The following ITGBL1 variants were observed in gnomAD, a reference collection of about 807,000 sequenced individuals.
ITGBL1 encodes integrin beta-like protein 1.
ITGBL1 carries 51 observed loss-of-function variants against 68.5 expected under a neutral mutation model. The observed-to-expected ratio is 0.74, with a 90% CI of 0.59 to 0.94. The LOEUF (loss-of-function observed/expected upper bound fraction) is 0.94. ITGBL1 is among the 40% of genes least tolerant of loss of function. The probability of loss-of-function intolerance (pLI) is 0.00; values close to 1 mark genes in which losing one functional copy is unlikely to be tolerated. For synonymous variants in ITGBL1, 209 were observed against 227.3 expected (o/e 0.92, Z 0.72); for missense variants, 649 against 647.4 (o/e 1.00, Z -0.03).
At chr13:101,713,270 C>T (rs1269906447) in intron 9 of ITGBL1, 1 of 152,180 alleles carries the variant, frequency 6.6e-6, no homozygotes, top group Non-Finnish European at 1.5e-5. Flanking sequence ...TTTTCCTGAT[C>T]ACTTTAATCA....
chr13:101,472,461 T>C (rs1207140801), intron 2 of ITGBL1, among the ~76,000 whole-genome samples: 1 of 152,248 alleles, frequency 6.6e-6, no homozygotes, highest in African/African-American at 2.4e-5. Flanking sequence ...TAGGATAATA[T>C]GCTTAGATCT....
chr13:101,604,885 T>TACACACACACACAC (rs1449617732), intron 7 of ITGBL1, among the ~76,000 whole-genome samples: 22 of 11,918 alleles, frequency 1.8e-3, no homozygotes, highest in Non-Finnish European at 2.8e-3. Flanking sequence ...TATATATATA[T>TACACACACACACAC]ATACACACAC....
At chr13:101,546,165 T>A (rs1338826926) in intron 2 of ITGBL1, among the ~76,000 whole-genome samples, 4 of 152,168 alleles carry the variant, frequency 2.6e-5, no homozygotes, top group Admixed American at 2.6e-4. Context: ...ATTAAACTGG[T>A]CACATGCATA....
At chr13:101,543,560 A>C (rs2049754141) in intron 2 of ITGBL1, among the ~76,000 whole-genome samples, 1 of 152,038 alleles carries the variant, frequency 6.6e-6, no homozygotes, top group South Asian at 2.1e-4. Context: ...CTTGAGGAGT[A>C]TCTTTGTGGC....
chr13:101,652,172 A>T (rs2032774400), intron 7 of ITGBL1, among the ~76,000 whole-genome samples: 1 of 152,126 alleles, frequency 6.6e-6, no homozygotes, highest in African/African-American at 2.4e-5. Context: ...AAGACCAAGA[A>T]GTCATGTCGC....
chr13:101,552,245 C>A (rs867897787), intron 2 of ITGBL1, among the ~76,000 whole-genome samples: 1 of 152,074 alleles, frequency 6.6e-6, no homozygotes, highest in South Asian at 2.1e-4. Context: ...GGCATCAGAA[C>A]AGAGAGAGAG....
chr13:101,480,762 A>G (rs1031600336), intron 2 of ITGBL1, among the ~76,000 whole-genome samples: 3 of 152,098 alleles, frequency 2.0e-5, no homozygotes, highest in Non-Finnish European at 4.4e-5. Flanking sequence ...ATAATGCAGT[A>G]TTAGAGAAGT....
chr13:101,576,474 TA>T lies in ITGBL1; in HGVS notation c.586+931del, dbSNP rs551928470. Among the ~76,000 whole-genome samples, 223 of 152,310 alleles carry T rather than the reference TA, an allele frequency of 1.5e-3. 1 individual carries two copies. Among genetic ancestry groups the T allele is most frequent in the African/African-American group, 4.7e-3 (197 of 41,576 alleles). On this transcript the variant is annotated intron_variant, in intron 4 of 10. Coordinates refer to ENST00000376180, the MANE Select transcript of ITGBL1 (RefSeq NM_004791.3). ...AGCAGAGAGAATCATTTGGTTTAGG[TA>T]AATTTTTCTCTGCTCTGAACTTATA...
At chr13:101,591,557 A>C (rs2139308670) in intron 6 of ITGBL1, among the ~76,000 whole-genome samples, 1 of 152,196 alleles carries the variant, frequency 6.6e-6, no homozygotes, top group Admixed American at 6.5e-5. Flanking sequence ...TTTTTTACTA[A>C]AAATTAGTTA....
chr13:101,679,033 A>G (rs749901727), intron 7 of ITGBL1, among the ~76,000 whole-genome samples: 4 of 151,746 alleles, frequency 2.6e-5, no homozygotes, highest in Non-Finnish European at 4.4e-5. Context: ...CAGCCTCCCA[A>G]GTAGCTAGGA....
chr13:101,530,044 G>A (rs770929247), intron 2 of ITGBL1, among the ~76,000 whole-genome samples: 1 of 152,228 alleles, frequency 6.6e-6, no homozygotes, highest in East Asian at 1.9e-4. Context: ...GGAATATTGA[G>A]TAATCTAATA....
intron 7 of ITGBL1, among the ~76,000 whole-genome samples, chr13:101,628,734 C>T (rs545664044): frequency 1.3e-5 from 2 of 151,664 alleles, no homozygotes; most frequent in African/African-American, 4.8e-5. Context: ...GCCACCACAC[C>T]CAGCCCTCTC....
intron 2 of ITGBL1, among the ~76,000 whole-genome samples, chr13:101,454,856 T>C (rs1252302132): frequency 6.6e-6 from 1 of 152,226 alleles, no homozygotes; most frequent in East Asian, 1.9e-4. Context: ...TTCTAGCTGC[T>C]TGAATTTTTG....
intron 7 of ITGBL1, among the ~76,000 whole-genome samples, chr13:101,601,412 G>A (rs1175552403): frequency 1.3e-5 from 2 of 152,032 alleles, no homozygotes; most frequent in African/African-American, 4.8e-5. Flanking sequence ...ATTTTTTGAA[G>A]GGTTTTTTGT....
intron 9 of ITGBL1, among the ~76,000 whole-genome samples, chr13:101,709,529 AT>A (rs200586347): frequency 2.0e-5 from 3 of 151,440 alleles, no homozygotes; most frequent in Non-Finnish European, 2.9e-5. Flanking sequence ...TTTGAATTAG[AT>A]TTTTTTTTCC....
intron 3 of ITGBL1, among the ~76,000 whole-genome samples, chr13:101,572,787 T>C (rs1417260457): frequency 2.0e-5 from 3 of 152,048 alleles, no homozygotes; most frequent in Non-Finnish European, 4.4e-5. Context: ...TGAGGAGTCA[T>C]AGAATTTGGA....
chr13:101,526,714 T>C (rs2049386250), intron 2 of ITGBL1, among the ~76,000 whole-genome samples: 1 of 151,510 alleles, frequency 6.6e-6, no homozygotes, highest in Admixed American at 6.6e-5. Context: ...TAAACACCTT[T>C]AGCACCCAAA....
intron 4 of ITGBL1, among the ~76,000 whole-genome samples, chr13:101,576,640 G>T (rs2050364435): frequency 6.6e-6 from 1 of 152,110 alleles, no homozygotes; most frequent in Admixed American, 6.6e-5. Context: ...AGAAACTGTG[G>T]CTAGCATAGG....
chr13:101,605,837 T>A (rs4772399), intron 7 of ITGBL1, among the ~76,000 whole-genome samples: 2 of 149,980 alleles, frequency 1.3e-5, no homozygotes, highest in Admixed American at 1.3e-4. Context: ...TGTATATATA[T>A]GCATATACAT....
Sources: gnomAD v4.1 joint callset for allele counts (sites outside exome capture counted in the v4.1 genomes callset) on GRCh38, gnomAD v4.1.1 for gene constraint, MANE v1.5 for transcripts, NCBI Gene and HGNC (gene_info 2026-07-23, HGNC 2026-07-21) for gene names.